The following PREX1 variants were observed in gnomAD, a reference collection of about 807,000 sequenced individuals.
PREX1 encodes phosphatidylinositol-3,4,5-trisphosphate dependent Rac exchange factor 1, also known as phosphatidylinositol 3,4,5-trisphosphate-dependent Rac exchanger 1 protein.
PREX1 carries 41 observed loss-of-function variants against 198.3 expected under a neutral mutation model. The observed-to-expected ratio is 0.21, with a 90% CI of 0.16 to 0.27. The LOEUF (loss-of-function observed/expected upper bound fraction) is 0.27. Ranked by LOEUF, PREX1 falls within the 10% of genes least tolerant of loss-of-function variation. PREX1 has a pLI of 1.00. For synonymous variants in PREX1, 843 were observed against 887.2 expected (o/e 0.95, Z 0.89); for missense variants, 1,620 against 2,200.7 (o/e 0.74, Z 5.28).
chr20:48,811,624 C>A (rs1022260144), intron 1 of PREX1, among the ~76,000 whole-genome samples: 20 of 85,572 alleles, frequency 2.3e-4, no homozygotes, highest in African/African-American at 5.0e-4. Flanking sequence ...GGATACACAC[C>A]CCCCCACACA....
At chr20:48,839,502 C>T in the PREX1 span, among the ~76,000 whole-genome samples, 1 of 152,176 alleles carries the variant, frequency 6.6e-6, no homozygotes, top group African/African-American at 2.4e-5. Context: ...TACAGAGTTA[C>T]GCATTTCATA....
At chr20:48,763,853 T>C (rs1294361594) in intron 1 of PREX1, among the ~76,000 whole-genome samples, 2 of 152,292 alleles carry the variant, frequency 1.3e-5, no homozygotes, top group African/African-American at 4.8e-5. Flanking sequence ...TGGCTGCAGC[T>C]TGGGGTCTTC....
At position 48,684,504 on chromosome 20, in the gene PREX1, C is replaced by G. The variant is rs910373332; in HGVS notation, c.1335-3169G>C. On this transcript the variant is annotated intron_variant, in intron 10 of 39. Transcript: ENST00000371941. The surrounding 1 kb of genome is among the most constrained non-coding windows in gnomAD (Gnocchi z 4.2). ...CACCAAGGCCCCTTCCACCTTGGAGCTTTCCCTCTGGCAGACGTCCATAAC... is the reference window on the plus strand; with the variant it reads ...CACCAAGGCCCCTTCCACCTTGGAGGTTTCCCTCTGGCAGACGTCCATAAC... Among the ~76,000 whole-genome samples the G allele has an allele frequency of 6.6e-6, 1 of 152,256 alleles. No individual in the cohort carries two copies. Among genetic ancestry groups the G allele is most frequent in the East Asian group, 1.9e-4 (1 of 5,196 alleles).
intron 7 of PREX1, among the ~76,000 whole-genome samples, chr20:48,695,065 A>G (rs55824625): frequency 0.15 from 23,539 of 152,218 alleles, 2,173 homozygotes; most frequent in Middle Eastern, 0.28. Context: ...AAAATGCCCA[A>G]AGAAGCATTA....
At chr20:48,879,268 T>C in the PREX1 span, among the ~76,000 whole-genome samples, 1 of 152,236 alleles carries the variant, frequency 6.6e-6, no homozygotes, top group East Asian at 1.9e-4. Flanking sequence ...AGTTTCATCT[T>C]CCATACACAT....
chr20:48,637,799 A>G (rs2089376917), intron 30 of PREX1, 47 bp from the exon 31 acceptor site: 1 of 1,555,086 alleles, frequency 6.4e-7, no homozygotes, highest in African/African-American at 1.4e-5. Flanking sequence ...GGGAGGGGGC[A>G]GCAAGAGGTG....
intron 1 of PREX1, among the ~76,000 whole-genome samples, chr20:48,822,992 GAAAA>G (rs1275341993): frequency 2.0e-5 from 3 of 150,538 alleles, no homozygotes; most frequent in African/African-American, 7.3e-5. Context: ...TTTTAAAACA[GAAAA>G]AAAAATAGTG....
chr20:48,870,575 CTG>C, the PREX1 span, among the ~76,000 whole-genome samples: 36 of 152,332 alleles, frequency 2.4e-4, no homozygotes, highest in Admixed American at 7.8e-4. Flanking sequence ...AGGGTGGTGA[CTG>C]TGGATGGGGC....
intron 27 of PREX1, 61 bp from the exon 28 acceptor site, chr20:48,642,550 G>A: frequency 2.1e-6 from 3 of 1,423,322 alleles, no homozygotes; most frequent in African/African-American, 1.4e-5. Flanking sequence ...ACCATCCCCA[G>A]CACTTTCCTA....
chr20:48,886,478 G>A, the PREX1 span, among the ~76,000 whole-genome samples: 1 of 152,082 alleles, frequency 6.6e-6, no homozygotes, highest in Admixed American at 6.6e-5. Flanking sequence ...TGGAACCACT[G>A]CTCAGCTGGG....
At chr20:48,715,961 G>A (rs2089960608) in intron 5 of PREX1, among the ~76,000 whole-genome samples, 1 of 152,172 alleles carries the variant, frequency 6.6e-6, no homozygotes, top group South Asian at 2.1e-4. Flanking sequence ...CAGAAAGTGG[G>A]ACTTGGCAGA....
intron 8 of PREX1, 44 bp downstream of exon 8, chr20:48,692,628 G>A: frequency 2.1e-6 from 3 of 1,441,180 alleles, no homozygotes; most frequent in Non-Finnish European, 2.9e-6. Flanking sequence ...CAGGGAGCAG[G>A]CAGGGCTCAG....
At chr20:48,747,671 C>T (rs997204227) in intron 2 of PREX1, 138 bp downstream of exon 2, 1 of 920,558 alleles carries the variant, frequency 1.1e-6, no homozygotes, top group Non-Finnish European at 1.7e-6. Context: ...CAAGCTGGGG[C>T]AGGGCAAAGC....
intron 14 of PREX1, among the ~76,000 whole-genome samples, chr20:48,671,620 A>G (rs569566551): frequency 6.6e-6 from 1 of 152,224 alleles, no homozygotes; most frequent in Non-Finnish European, 1.5e-5. Context: ...CTCCCGCCCT[A>G]CACAATTATG....
rs577708483 is a variant in PREX1, at chr20:48,742,544, G to A, written c.414+2481C>T. ...CCAGGCCCAGGGAGGATGCCAGGAA[G>A]GCCCCAGCACAGAACAACTTCCCAC... On this transcript the variant is annotated intron_variant, in intron 3 of 39. Transcript: ENST00000371941. 3.3e-5 allele frequency among the ~76,000 whole-genome samples: 5 copies of A among 152,220 alleles called. No homozygotes were observed. The South Asian group carries it at 1.0e-3, about 32-fold the overall frequency.
intron 26 of PREX1, 46 bp downstream of exon 26, chr20:48,645,805 C>T: frequency 6.3e-7 from 1 of 1,598,950 alleles, no homozygotes; most frequent in Non-Finnish European, 8.5e-7. Context: ...CTCACCTGTC[C>T]AGGGCCATCC....
Position 48,672,315 on chromosome 20 carries a change from T to G in PREX1, c.1665+3878A>C, listed in dbSNP as rs552000112. The stretch of plus-strand genomic sequence containing the variant: ...GCCCTACTCACCCATGAGCAACCTA[T>G]TAGGTCCACCTTCAAAACATCCAGA... On this transcript the variant is annotated intron_variant, in intron 14 of 39. Transcript: ENST00000371941. Among the ~76,000 whole-genome samples the G allele has an allele frequency of 2.0e-5, 3 of 152,316 alleles. No homozygotes were observed. In the South Asian group the frequency reaches 6.2e-4, roughly 32 times the overall value.
rs1250213436 is a variant in PREX1 at position 48,655,340 on chromosome 20, C to T, written c.2159G>A (p.Cys720Tyr). ...IKIPDQPDTL[C>Y]FQIRGAAPPY... ...TGGGGCAGCTCCACGAATCTGGAAG[C>T]ACAGTGTGTCCGGCTGGTCGGGGAT... is the stretch of plus-strand genomic sequence containing the variant. Residue 720 changes from cysteine (C) to tyrosine (Y), a missense_variant, in exon 19 of 40, where the codon TGC (cysteine) becomes TAC (tyrosine). Cys to Tyr is a radical substitution (Grantham distance 194). This residue lies in a region of PREX1 where 514 missense variants were observed against 611.6 expected (regional missense o/e 0.84). Transcript: ENST00000371941. 1 of 1,599,754 alleles carries T rather than the reference C, an allele frequency of 6.3e-7. No homozygotes were observed. Among genetic ancestry groups the T allele is most frequent in the Non-Finnish European group, 8.5e-7 (1 of 1,171,572 alleles).
intron 1 of PREX1, among the ~76,000 whole-genome samples, chr20:48,813,169 C>G (rs533135413): frequency 6.6e-6 from 1 of 152,246 alleles, no homozygotes; most frequent in Non-Finnish European, 1.5e-5. Context: ...AGGTGCTTAA[C>G]ACAATGTGTT....
Sources: allele counts gnomAD v4.1 joint callset (sites outside exome capture counted in the v4.1 genomes callset), GRCh38; gene constraint gnomAD v4.1.1; regional missense constraint gnomAD v4.1.1; non-coding constraint Gnocchi (gnomAD v3.1); transcripts MANE v1.5; gene names NCBI Gene and HGNC (gene_info 2026-07-23, HGNC 2026-07-21).